The following TPH2 variants were observed in gnomAD, a reference collection of about 807,000 sequenced individuals.
TPH2 encodes the protein tryptophan hydroxylase 2.
In TPH2, 27 loss-of-function variants were observed where a neutral mutation model predicts 59.1. The ratio of observed to expected loss-of-function variants is 0.46; its 90% confidence interval spans 0.34 to 0.63. The LOEUF (loss-of-function observed/expected upper bound fraction) is 0.63, where lower values mean the gene tolerates loss of function less well. Ranked by LOEUF, TPH2 falls within the 30% of genes least tolerant of loss-of-function variation. The pLI, the probability that TPH2 is intolerant of heterozygous loss-of-function variation, is 0.01. For synonymous variants in TPH2, 220 were observed against 210.5 expected (o/e 1.05, Z -0.39); for missense variants, 523 against 588.3 (o/e 0.89, Z 1.15).
In TPH2 at chr12:71,991,052, T is replaced by C. The variant is rs1220849666; in HGVS notation, c.942-3387T>C. Among the ~76,000 whole-genome samples, 14 of 152,232 alleles carry C rather than the reference T, an allele frequency of 9.2e-5. 1 individual carries two copies. The highest frequency in any genetic ancestry group is 9.2e-4 in the Admixed American group (14 of 15,286). Reference sequence around the variant, plus strand: ...TATGTGTAGTTAGATTACTTTGTCATTGCAATGGTATTAAAGGTTCTTAAG... The same window carrying C: ...TATGTGTAGTTAGATTACTTTGTCACTGCAATGGTATTAAAGGTTCTTAAG... On this transcript the variant is annotated intron_variant, in intron 7 of 10. Coordinates refer to ENST00000333850, the MANE Select transcript of TPH2 (RefSeq NM_173353.4).
rs575298319 is a variant in TPH2, at chr12:72,004,820, GT to G, written c.1068+10259del. ...TTAATTACCCCATTCCACAAATGTA[GT>G]TTTCAAATAAAGGAGTCAAAAGGAT... On this transcript the variant is annotated intron_variant, in intron 8 of 10. Coordinates refer to ENST00000333850, the MANE Select transcript of TPH2 (RefSeq NM_173353.4). Among the ~76,000 whole-genome samples the G allele has an allele frequency of 7.6e-4, 115 of 152,268 alleles. 1 individual carries two copies. The highest frequency in any genetic ancestry group is 4.1e-3 in the South Asian group (20 of 4,820).
intron 9 of TPH2, among the ~76,000 whole-genome samples, chr12:72,026,757 C>G (rs1397978594): frequency 6.6e-6 from 1 of 152,102 alleles, no homozygotes; most frequent in African/African-American, 2.4e-5. Flanking sequence ...TTCCCTCAAC[C>G]CTGCAGCTTA....
At chr12:72,008,112 A>T (rs1873003971) in intron 8 of TPH2, among the ~76,000 whole-genome samples, 1 of 152,172 alleles carries the variant, frequency 6.6e-6, no homozygotes, top group Non-Finnish European at 1.5e-5. Context: ...GCAAAGATAG[A>T]AGAAGGCGGG....
At chr12:72,017,533 G>A (rs1221471635) in intron 8 of TPH2, among the ~76,000 whole-genome samples, 1 of 152,142 alleles carries the variant, frequency 6.6e-6, no homozygotes, top group Non-Finnish European at 1.5e-5. Flanking sequence ...CACCAGCTTT[G>A]ATGAAAGATA....
chr12:71,987,196 G>A (rs555423141), intron 7 of TPH2, among the ~76,000 whole-genome samples: 2 of 152,162 alleles, frequency 1.3e-5, no homozygotes, highest in East Asian at 1.9e-4. Flanking sequence ...CTGGTCCAAA[G>A]CCTTTATGTG....
chr12:71,978,905 G>A (rs750958878), intron 6 of TPH2, 47 bp from the exon 7 acceptor site: 80 of 1,613,620 alleles, frequency 5.0e-5, no homozygotes, highest in Non-Finnish European at 6.7e-5. Flanking sequence ...GGGCCCTCAA[G>A]TCTTGCTGGG....
chr12:71,982,942 T>C (rs767882337), intron 7 of TPH2, among the ~76,000 whole-genome samples: 33 of 152,230 alleles, frequency 2.2e-4, no homozygotes, highest in Non-Finnish European at 1.0e-4. Context: ...CTTTGACTTC[T>C]TTTTACATTT....
At chr12:71,988,548 G>C (rs1314177702) in intron 7 of TPH2, among the ~76,000 whole-genome samples, 2 of 152,156 alleles carry the variant, frequency 1.3e-5, no homozygotes, top group African/African-American at 4.8e-5. Flanking sequence ...ACCAGATCTC[G>C]GGAGAACTCA....
chr12:72,018,992 C>A (rs1199493881), intron 8 of TPH2, among the ~76,000 whole-genome samples: 1 of 152,188 alleles, frequency 6.6e-6, no homozygotes, highest in Non-Finnish European at 1.5e-5. Flanking sequence ...AATAGGAGAG[C>A]TGAACATCCC....
intron 2 of TPH2, among the ~76,000 whole-genome samples, chr12:71,942,704 G>A (rs900796303): frequency 6.6e-6 from 1 of 152,146 alleles, no homozygotes; most frequent in Admixed American, 6.5e-5. Context: ...CAACTATGAG[G>A]CATTATTATG....
At chr12:72,006,280 T>C (rs1179255281) in intron 8 of TPH2, among the ~76,000 whole-genome samples, 1 of 152,076 alleles carries the variant, frequency 6.6e-6, no homozygotes, top group East Asian at 1.9e-4. Flanking sequence ...AGGACTATCA[T>C]AATAGGTGCA....
intron 6 of TPH2, among the ~76,000 whole-genome samples, chr12:71,973,973 T>TG (rs369612824): frequency 3.0e-4 from 46 of 152,102 alleles, no homozygotes; most frequent in African/African-American, 1.1e-3. Context: ...TGTGAGGGGT[T>TG]GGGGGAAGAG....
chr12:71,964,902 C>A (rs1016032047), intron 5 of TPH2: 1 of 267,330 alleles, frequency 3.7e-6, no homozygotes, highest in Non-Finnish European at 5.8e-6. Context: ...AGCCTAGTAC[C>A]CAATAGTTTA....
intron 7 of TPH2, among the ~76,000 whole-genome samples, chr12:71,991,679 G>A (rs1038964443): frequency 2.0e-5 from 3 of 152,004 alleles, no homozygotes; most frequent in African/African-American, 7.3e-5. Flanking sequence ...AAAATTGATC[G>A]CAAGAATGAG....
Position 71,998,984 on chromosome 12 carries a change from T to C in TPH2, c.1068+4419T>C, listed in dbSNP as rs538628434. Among the ~76,000 whole-genome samples the C allele has an allele frequency of 1.8e-3, 277 of 152,324 alleles. 2 individuals are homozygous for C. The highest frequency in any genetic ancestry group is 6.5e-3 in the African/African-American group (272 of 41,568). The stretch of plus-strand genomic sequence containing the variant: ...CTTATTTAGTGAATTTAAGCACTTA[T>C]GAAAAAGAGAGTCATGCCTAGTGAA... On this transcript the variant is annotated intron_variant, in intron 8 of 10. Transcript: ENST00000333850.
chr12:71,984,573 G>T (rs1287027034), intron 7 of TPH2, among the ~76,000 whole-genome samples: 1 of 152,202 alleles, frequency 6.6e-6, no homozygotes, highest in African/African-American at 2.4e-5. Flanking sequence ...GAGCTGGGAG[G>T]ATAAACCAGA....
At chr12:72,026,232 A>G (rs954568735) in intron 9 of TPH2, among the ~76,000 whole-genome samples, 3 of 151,820 alleles carry the variant, frequency 2.0e-5, no homozygotes, top group East Asian at 1.9e-4. Context: ...TCCACCCCAT[A>G]GTAGTTGCTG....
At position 71,941,781 on chromosome 12, in the gene TPH2, G is replaced by A. The variant is rs761596284; in HGVS notation, c.255+48G>A. On this transcript the variant is annotated intron_variant, in intron 2 of 10. Transcript: ENST00000333850. Reference sequence around the variant, plus strand: ...TAATTTTAAAAGTGACCGTGTGCCTGGGTACAAACCTGTTATCTGCTATGA... The same window carrying A: ...TAATTTTAAAAGTGACCGTGTGCCTAGGTACAAACCTGTTATCTGCTATGA... 44 of 1,569,954 alleles carry A rather than the reference G, an allele frequency of 2.8e-5. 1 individual carries two copies. In the South Asian group the frequency reaches 4.9e-4, roughly 17 times the overall value.
chr12:71,971,324 C>A (rs17110536), intron 5 of TPH2, among the ~76,000 whole-genome samples: 28,340 of 152,130 alleles, frequency 0.19, 3,194 homozygotes, highest in East Asian at 0.34. Context: ...TTGCTAATTG[C>A]AGAGGCAGAA....
Sources: allele counts gnomAD v4.1 joint callset (sites outside exome capture counted in the v4.1 genomes callset), GRCh38; gene constraint gnomAD v4.1.1; transcripts MANE v1.5; gene names NCBI Gene and HGNC (gene_info 2026-07-23, HGNC 2026-07-21).